FAM168A: variants seen among roughly 807,000 people sequenced by gnomAD.
The protein encoded by FAM168A is family with sequence similarity 168 member A.
Under a neutral mutation model 28.5 loss-of-function variants are expected in FAM168A, and 3 were observed. The ratio of observed to expected loss-of-function variants is 0.11; its 90% CI spans 0.05 to 0.27. The LOEUF (loss-of-function observed/expected upper bound fraction) is 0.27. FAM168A is among the 10% of genes least tolerant of loss of function. FAM168A has a pLI of 1.00. For missense variants in FAM168A, 222 were observed against 311.5 expected (o/e 0.71, Z 2.16); for synonymous variants, 122 against 124.2 (o/e 0.98, Z 0.12).
intron 2 of FAM168A, 24 bp downstream of exon 2, chr11:73,468,381 G>A (rs1939383): frequency 0.092 from 147,477 of 1,608,216 alleles, 7,354 homozygotes; most frequent in Admixed American, 0.14. Flanking sequence ...TTCTCAAAAT[G>A]AGAGCCATTC....
intron 3 of FAM168A, chr11:73,425,095 A>G (rs927832263): frequency 2.0e-5 from 29 of 1,433,868 alleles, no homozygotes; most frequent in African/African-American, 1.4e-4. Context: ...GAATTTGTGC[A>G]AAGTTGTATA....
At chr11:73,509,717 C>T (rs928848143) in intron 1 of FAM168A, among the ~76,000 whole-genome samples, 4 of 152,190 alleles carry the variant, frequency 2.6e-5, no homozygotes, top group African/African-American at 9.7e-5. Flanking sequence ...TATCAGCCTC[C>T]ACTCTCCAGC....
chr11:73,515,975 C>T (rs1361368786), intron 1 of FAM168A, among the ~76,000 whole-genome samples: 1 of 152,000 alleles, frequency 6.6e-6, no homozygotes, highest in Admixed American at 6.6e-5. Flanking sequence ...GTGGCATATG[C>T]CTGTAATCCC....
chr11:73,517,999 T>G (rs1943326346), intron 1 of FAM168A, among the ~76,000 whole-genome samples: 1 of 152,250 alleles, frequency 6.6e-6, no homozygotes, highest in Non-Finnish European at 1.5e-5. Context: ...GCATTCTCAG[T>G]GTCTAACACA....
At chr11:73,435,027 T>A (rs1867063982) in intron 2 of FAM168A, among the ~76,000 whole-genome samples, 2 of 152,248 alleles carry the variant, frequency 1.3e-5, no homozygotes, top group South Asian at 4.1e-4. Context: ...ACTGGTATTC[T>A]GACTGACAAT....
intron 1 of FAM168A, among the ~76,000 whole-genome samples, chr11:73,532,615 ATCC>A (rs577198138): frequency 2.6e-5 from 4 of 152,234 alleles, no homozygotes; most frequent in African/African-American, 7.2e-5. Context: ...ACAGTTCTTT[ATCC>A]TCCTCCTCTA....
intron 1 of FAM168A, among the ~76,000 whole-genome samples, chr11:73,487,155 G>A (rs1868064039): frequency 6.6e-6 from 1 of 151,824 alleles, no homozygotes; most frequent in Admixed American, 6.6e-5. Flanking sequence ...AATCCTATGT[G>A]GCTCTGTACA....
intron 1 of FAM168A, among the ~76,000 whole-genome samples, chr11:73,475,452 T>G (rs926360364): frequency 1.8e-4 from 28 of 152,126 alleles, no homozygotes; most frequent in Non-Finnish European, 3.2e-4. Context: ...TAATGCCTTC[T>G]GGGATAGATA....
At chr11:73,597,215 A>C (rs1944447557) in intron 1 of FAM168A, among the ~76,000 whole-genome samples, 1 of 151,118 alleles carries the variant, frequency 6.6e-6, no homozygotes. Flanking sequence ...TCCTATTCCA[A>C]CCTCCATCAG....
At chr11:73,460,718 G>A (rs922101816) in intron 2 of FAM168A, among the ~76,000 whole-genome samples, 2 of 151,960 alleles carry the variant, frequency 1.3e-5, no homozygotes, top group Non-Finnish European at 2.9e-5. Context: ...TGGCCAGGCT[G>A]GTCTCGAACT....
At chr11:73,469,270 T>C (rs1867779866) in intron 1 of FAM168A, among the ~76,000 whole-genome samples, 2 of 152,208 alleles carry the variant, frequency 1.3e-5, no homozygotes, top group African/African-American at 4.8e-5. Context: ...GCCAGCCAAT[T>C]TGTCCCACCT....
chr11:73,438,091 C>T (rs1448515287), intron 2 of FAM168A, among the ~76,000 whole-genome samples: 1 of 152,156 alleles, frequency 6.6e-6, no homozygotes, highest in African/African-American at 2.4e-5. Flanking sequence ...GTGACTGCAT[C>T]CAGATTTCAT....
chr11:73,446,553 G>C (rs905233766), intron 2 of FAM168A, among the ~76,000 whole-genome samples: 3 of 152,198 alleles, frequency 2.0e-5, no homozygotes, highest in Non-Finnish European at 4.4e-5. Context: ...CTCAGTGAAG[G>C]TCATGCCCAT....
intron 1 of FAM168A, among the ~76,000 whole-genome samples, chr11:73,569,871 G>A (rs1321927968): frequency 7.2e-6 from 1 of 138,418 alleles, no homozygotes; most frequent in Non-Finnish European, 1.6e-5. Context: ...CAAAATAGAT[G>A]TGAAGCTCTA....
chr11:73,486,956 C>A (rs1868060994), intron 1 of FAM168A, among the ~76,000 whole-genome samples: 1 of 152,104 alleles, frequency 6.6e-6, no homozygotes, highest in Non-Finnish European at 1.5e-5. Context: ...AGTATGTTTT[C>A]AGTATTAATA....
intron 2 of FAM168A, among the ~76,000 whole-genome samples, chr11:73,448,129 C>T (rs975270024): frequency 2.6e-5 from 4 of 152,118 alleles, no homozygotes; most frequent in Admixed American, 6.6e-5. Context: ...CTCACTGCAA[C>T]CTCTGCCTCC....
chr11:73,440,946 T>C (rs1201804473), intron 2 of FAM168A, among the ~76,000 whole-genome samples: 4 of 151,808 alleles, frequency 2.6e-5, no homozygotes, highest in African/African-American at 4.8e-5. Flanking sequence ...AGGCAACAAT[T>C]CACAAAAGAA....
At chr11:73,453,532 C>A (rs926755494) in intron 2 of FAM168A, among the ~76,000 whole-genome samples, 5 of 152,192 alleles carry the variant, frequency 3.3e-5, no homozygotes, top group East Asian at 1.9e-4. Flanking sequence ...ATGATCAATG[C>A]GGCTCTACCC....
At chr11:73,451,977 A>T (rs1474219790) in intron 2 of FAM168A, 1 of 152,230 alleles carries the variant, frequency 6.6e-6, no homozygotes, top group African/African-American at 2.4e-5. Context: ...ATTTGTGTCT[A>T]CACCTATTAA....
Sources: allele counts gnomAD v4.1 joint callset (sites outside exome capture counted in the v4.1 genomes callset), GRCh38; gene constraint gnomAD v4.1.1; transcripts MANE v1.5; gene names NCBI Gene and HGNC (gene_info 2026-07-23, HGNC 2026-07-21).